The following PKHD1 variants were observed in gnomAD, a reference collection of about 807,000 sequenced individuals.
PKHD1 encodes PKHD1 ciliary IPT domain containing fibrocystin/polyductin.
Under a neutral mutation model 412.0 loss-of-function variants are expected in PKHD1, and 291 were observed. That is an observed-to-expected ratio of 0.71 (90% CI 0.64 to 0.78). The LOEUF (loss-of-function observed/expected upper bound fraction) is 0.78, where lower values mean the gene tolerates loss of function less well. PKHD1 is among the 30% of genes least tolerant of loss of function. The probability of loss-of-function intolerance (pLI) is 0.00; values close to 1 mark genes in which losing one functional copy is unlikely to be tolerated. For missense variants in PKHD1, 4,825 were observed against 4,950.7 expected (o/e 0.97, Z 0.76); for synonymous variants, 1,777 against 1,821.5 (o/e 0.98, Z 0.62).
At position 51,987,069 on chromosome 6, in the gene PKHD1, A is replaced by G. The variant is rs115246551; in HGVS notation, c.5751+23240T>C. On this transcript the variant is annotated intron_variant, in intron 35 of 66. Coordinates refer to ENST00000371117, the MANE Select transcript of PKHD1 (RefSeq NM_138694.4). ...TTGATTAATGCCGATTGTGACTACT[A>G]TTAGGTACACAGGATATGAGGACAT... Among the ~76,000 whole-genome samples, 1,151 of 152,316 alleles carry G rather than the reference A, an allele frequency of 7.6e-3. 15 individuals carry two copies. Among genetic ancestry groups the G allele is most frequent in the African/African-American group, 0.026 (1,065 of 41,548 alleles).
chr6:51,728,742 T>C (rs1782885061), intron 60 of PKHD1, among the ~76,000 whole-genome samples: 1 of 152,222 alleles, frequency 6.6e-6, no homozygotes, highest in South Asian at 2.1e-4. Context: ...TGTGAGATAA[T>C]ACTTAGGTGT....
At chr6:52,076,593 T>C (rs894351622) in intron 5 of PKHD1, among the ~76,000 whole-genome samples, 16 of 152,220 alleles carry the variant, frequency 1.1e-4, no homozygotes, top group Admixed American at 2.6e-4. Flanking sequence ...TGTACCATAT[T>C]GTCCAAACCT....
intron 60 of PKHD1, among the ~76,000 whole-genome samples, chr6:51,697,048 G>C (rs1187122552): frequency 6.6e-6 from 1 of 152,008 alleles, no homozygotes; most frequent in African/African-American, 2.4e-5. Flanking sequence ...AATTACCCAG[G>C]CATGGTGACA....
At chr6:51,657,934 CTCTT>C (rs1372629936) in intron 61 of PKHD1, among the ~76,000 whole-genome samples, 1 of 152,064 alleles carries the variant, frequency 6.6e-6, no homozygotes, top group Non-Finnish European at 1.5e-5. Context: ...TAAACTGACT[CTCTT>C]TCTCTCTAGA....
intron 35 of PKHD1, among the ~76,000 whole-genome samples, chr6:51,982,867 A>C (rs1223937976): frequency 5.8e-4 from 62 of 106,312 alleles, no homozygotes; most frequent in Non-Finnish European, 1.4e-3. Flanking sequence ...AAATAAAATA[A>C]AATAAAATAA....
chr6:51,796,085 C>T (rs528658021), intron 52 of PKHD1, among the ~76,000 whole-genome samples: 5 of 152,184 alleles, frequency 3.3e-5, no homozygotes, highest in Non-Finnish European at 5.9e-5. Context: ...AGGAATAGTA[C>T]CAGCTCTTCC....
intron 49 of PKHD1, among the ~76,000 whole-genome samples, chr6:51,854,175 C>T (rs1037875053): frequency 2.0e-5 from 3 of 151,562 alleles, no homozygotes; most frequent in Non-Finnish European, 2.9e-5. Flanking sequence ...GTTTTTCTTT[C>T]GGGTCCCTCT....
chr6:51,677,795 G>A (rs1776078930), intron 60 of PKHD1, among the ~76,000 whole-genome samples: 1 of 152,068 alleles, frequency 6.6e-6, no homozygotes, highest in African/African-American at 2.4e-5. Context: ...GACAATATGA[G>A]AGAGAAGGTC....
intron 50 of PKHD1, among the ~76,000 whole-genome samples, chr6:51,842,310 T>TA (rs1770350792): frequency 1.3e-5 from 2 of 152,238 alleles, no homozygotes; most frequent in South Asian, 4.2e-4. Flanking sequence ...CAGCATCTGA[T>TA]ATGAATTTAT....
intron 36 of PKHD1, among the ~76,000 whole-genome samples, chr6:51,953,986 A>G (rs1193734308): frequency 6.6e-6 from 1 of 152,106 alleles, no homozygotes; most frequent in Non-Finnish European, 1.5e-5. Context: ...AACAGAAGCA[A>G]AAGCAATCCA....
rs746874144 is a variant in PKHD1, at chr6:52,028,169, T to C, written c.3547A>G (p.Ile1183Val). Residue 1183 changes from isoleucine to valine, a missense_variant, in exon 30 of 67, where the codon ATT becomes GTT. Ile to Val is a conservative substitution (Grantham distance 29, BLOSUM62 3). Transcript: ENST00000371117. ...TGGTCACCTCACCCTTGTGAGTGAA[T>C]GCTGACCCCATTGATAGAGACGGAA... ...RISVSINGVS[I>V]HSQGVDLHIQ... 1.3e-5 allele frequency: 21 copies of C among 1,614,060 alleles called. No homozygotes were observed. The highest frequency in any genetic ancestry group is 1.8e-5 in the Non-Finnish European group (21 of 1,179,980).
chr6:51,703,079 G>C (rs1187639127), intron 60 of PKHD1, among the ~76,000 whole-genome samples: 1 of 151,894 alleles, frequency 6.6e-6, no homozygotes, highest in Non-Finnish European at 1.5e-5. Flanking sequence ...ATAAATGTCT[G>C]TATACAGAGT....
chr6:52,033,149 A>G lies in PKHD1; in HGVS notation c.3245T>C (p.Ile1082Thr), dbSNP rs757318996. The G allele has an allele frequency of 6.2e-6, 10 of 1,612,658 alleles. 1 individual carries two copies. The South Asian group carries it at 8.8e-5, about 14-fold the overall frequency. ...CCCTCTGATCACAGTCACATTCACAATGCGTCCATCTTTCCCCTGAAAAAT... is the reference window on the plus strand; with the variant it reads ...CCCTCTGATCACAGTCACATTCACAGTGCGTCCATCTTTCCCCTGAAAAAT... ...KVPPRGKDGR[I>T]VNVTVIRGDY... The change falls in exon 29 of 67, where the codon ATT becomes ACT. Residue 1082 changes from isoleucine to threonine, a missense_variant. Transcript: ENST00000371117.
chr6:51,714,698 T>G (rs1692312382), intron 60 of PKHD1, among the ~76,000 whole-genome samples: 1 of 152,126 alleles, frequency 6.6e-6, no homozygotes, highest in African/African-American at 2.4e-5. Flanking sequence ...ATAGAACCAA[T>G]ATAGAACGTT....
intron 55 of PKHD1, among the ~76,000 whole-genome samples, chr6:51,762,370 T>C (rs1394781753): frequency 6.6e-6 from 1 of 152,046 alleles, no homozygotes; most frequent in African/African-American, 2.4e-5. Flanking sequence ...ACATTTGTAA[T>C]GGGTAAAAGC....
intron 53 of PKHD1, among the ~76,000 whole-genome samples, chr6:51,782,707 G>T (rs190708111): frequency 9.2e-5 from 14 of 152,180 alleles, no homozygotes; most frequent in African/African-American, 3.1e-4. Context: ...TCTAATCATA[G>T]TTAAATCTGA....
intron 33 of PKHD1, 135 bp from the exon 34 acceptor site, chr6:52,017,764 G>T: frequency 1.4e-6 from 1 of 711,260 alleles, no homozygotes; most frequent in Non-Finnish European, 2.6e-6. Context: ...TTTTTAAAAT[G>T]TATTGTATAT....
At chr6:51,806,373 G>A (rs1562353272) in intron 52 of PKHD1, among the ~76,000 whole-genome samples, 1 of 152,128 alleles carries the variant, frequency 6.6e-6, no homozygotes, top group Non-Finnish European at 1.5e-5. Context: ...ACAACCCTGA[G>A]CAATTGAGAG....
chr6:51,901,391 AT>A (rs1583282877), intron 43 of PKHD1, among the ~76,000 whole-genome samples: 1 of 152,304 alleles, frequency 6.6e-6, no homozygotes, highest in East Asian at 1.9e-4. Flanking sequence ...GAAATTGGAA[AT>A]CATCATTCTC....
Sources: gnomAD v4.1 joint callset for allele counts (sites outside exome capture counted in the v4.1 genomes callset) on GRCh38, gnomAD v4.1.1 for gene constraint, MANE v1.5 for transcripts, NCBI Gene and HGNC (gene_info 2026-07-23, HGNC 2026-07-21) for gene names.